ACYP2: variants seen among roughly 807,000 people sequenced by gnomAD.
ACYP2 encodes the protein acylphosphatase-2.
In ACYP2, 12 loss-of-function variants were observed where a neutral mutation model predicts 11.2. The ratio of observed to expected loss-of-function variants is 1.08; its 90% CI spans 0.69 to 1.74. ACYP2 has a LOEUF of 1.74. ACYP2 is among the 40% of genes most tolerant of loss of function. The pLI, the probability that ACYP2 is intolerant of heterozygous loss-of-function variation, is 0.00. For synonymous variants in ACYP2, 43 were observed against 32.2 expected (o/e 1.33, Z -1.13); for missense variants, 134 against 101.9 (o/e 1.31, Z -1.35).
At chr2:54,037,422 T>G (rs1405959358) in intron 2 of ACYP2, among the ~76,000 whole-genome samples, 9 of 151,068 alleles carry the variant, frequency 6.0e-5, no homozygotes. Flanking sequence ...GCTTGTTTTG[T>G]TTTTTTGAGA....
intron 2 of ACYP2, among the ~76,000 whole-genome samples, chr2:53,974,189 CA>C (rs1467596099): frequency 1.3e-5 from 2 of 151,910 alleles, no homozygotes; most frequent in African/African-American, 4.8e-5. Context: ...GTTGGGATTA[CA>C]GGCTTGAGCC....
In ACYP2 at chr2:54,141,893, A is replaced by G. The variant is rs914875655; in HGVS notation, c.404+3145A>G. 16 of 641,716 alleles carry G rather than the reference A, an allele frequency of 2.5e-5. No individual in the cohort carries two copies. The African/African-American group carries it at 2.7e-4, about 11-fold the overall frequency. 39.8% of individuals were successfully genotyped at this position (641,716 alleles called of 1,614,324 possible). On this transcript the variant is annotated intron_variant, in intron 6 of 6. Transcript: ENST00000607452. The stretch of plus-strand genomic sequence containing the variant: ...TGCTCTCTCTCCTAGGCTGGAGTGC[A>G]GTGGTCTGATCTAGACTCACTGCAG...
Position 54,173,232 on chromosome 2 carries a change from G to A in ACYP2, c.404+34484G>A, listed in dbSNP as rs181433761. Among the ~76,000 whole-genome samples the A allele has an allele frequency of 8.3e-3, 1,263 of 152,174 alleles. 4 individuals are homozygous for A. Among genetic ancestry groups the A allele is most frequent in the Non-Finnish European group, 0.012 (808 of 67,998 alleles). ...GTTGTTTCCTGACTTCTTAATGATC[G>A]CCATTCTAACTGGTGTGAGATGGTA... On this transcript the variant is annotated intron_variant, in intron 6 of 6. Transcript: ENST00000607452.
chr2:54,063,730 T>C (rs73935034), intron 4 of ACYP2, among the ~76,000 whole-genome samples: 12 of 152,342 alleles, frequency 7.9e-5, no homozygotes, highest in African/African-American at 2.9e-4. Context: ...GCTAGTTGGC[T>C]TCCTTTAACT....
intron 6 of ACYP2, among the ~76,000 whole-genome samples, chr2:54,155,556 G>A (rs746665125): frequency 1.3e-5 from 2 of 152,142 alleles, no homozygotes; most frequent in Non-Finnish European, 2.9e-5. Context: ...ATTGTGAACT[G>A]CGCATGCGAG....
At chr2:54,119,588 A>G (rs529547056) in intron 4 of ACYP2, among the ~76,000 whole-genome samples, 2 of 152,370 alleles carry the variant, frequency 1.3e-5, no homozygotes, top group African/African-American at 2.4e-5. Context: ...ATGAAAGTGA[A>G]CATGGAAAAA....
intron 6 of ACYP2, among the ~76,000 whole-genome samples, chr2:54,190,979 C>T (rs1318489324): frequency 2.0e-5 from 3 of 152,110 alleles, no homozygotes; most frequent in African/African-American, 7.2e-5. Flanking sequence ...CTTTCTCTTC[C>T]ATCTCTCAGC....
intron 2 of ACYP2, chr2:54,050,919 T>C (rs1470112245): frequency 4.9e-6 from 2 of 404,094 alleles, no homozygotes; most frequent in Non-Finnish European, 8.7e-6. Context: ...AGACTACAGG[T>C]GTGCACCCAA....
intron 2 of ACYP2, among the ~76,000 whole-genome samples, chr2:54,013,948 A>T (rs536099471): frequency 6.6e-6 from 1 of 152,102 alleles, no homozygotes; most frequent in Non-Finnish European, 1.5e-5. Context: ...ACTTGAGGTC[A>T]GGAGTTCGAG....
chr2:54,010,951 G>A (rs563714514), intron 2 of ACYP2, among the ~76,000 whole-genome samples: 78 of 151,798 alleles, frequency 5.1e-4, no homozygotes, highest in Middle Eastern at 3.4e-3. Context: ...TTACAGACCT[G>A]AACTACCACA....
chr2:54,238,310 C>T (rs969467566), intron 6 of ACYP2, among the ~76,000 whole-genome samples: 6 of 152,126 alleles, frequency 3.9e-5, no homozygotes, highest in Non-Finnish European at 8.8e-5. Context: ...GAGGAGAGAG[C>T]TTTTTCCCAC....
intron 6 of ACYP2, among the ~76,000 whole-genome samples, chr2:54,208,854 A>G (rs1005086783): frequency 2.0e-5 from 3 of 152,032 alleles, no homozygotes; most frequent in African/African-American, 7.2e-5. Context: ...CTCATACCCA[A>G]TTGTGTGATT....
chr2:54,266,856 G>A (rs528308965), intron 6 of ACYP2, among the ~76,000 whole-genome samples: 9 of 151,762 alleles, frequency 5.9e-5, no homozygotes, highest in Non-Finnish European at 1.2e-4. Flanking sequence ...TGATCCGCCC[G>A]CCTCAGCCTC....
chr2:54,222,223 G>A (rs186497587), intron 6 of ACYP2, among the ~76,000 whole-genome samples: 1 of 152,116 alleles, frequency 6.6e-6, no homozygotes, highest in Non-Finnish European at 1.5e-5. Flanking sequence ...TATCATCACT[G>A]TGTTATTTGT....
intron 4 of ACYP2, among the ~76,000 whole-genome samples, chr2:54,130,690 T>C (rs1276979775): frequency 6.6e-6 from 1 of 152,218 alleles, no homozygotes; most frequent in Non-Finnish European, 1.5e-5. Context: ...TATTTTTCAG[T>C]AAATCTTCAG....
At chr2:54,249,585 C>G (rs1162173490) in intron 6 of ACYP2, among the ~76,000 whole-genome samples, 1 of 152,000 alleles carries the variant, frequency 6.6e-6, no homozygotes, top group East Asian at 1.9e-4. Context: ...TTGTGGAAAA[C>G]TTATATTTAA....
In ACYP2 at chr2:54,031,989, TA is replaced by T. The variant is rs1286182539; in HGVS notation, c.63-18966del. 2.6e-5 allele frequency among the ~76,000 whole-genome samples: 4 copies of T among 152,348 alleles called. No homozygotes were observed. The East Asian group carries it at 7.7e-4, about 29-fold the overall frequency. ...GATGGGGTTGTTTGATTTTTTCTTGTAAATTTCTTTAAGTTCTTTGTAGATT... is the reference window on the plus strand; with the variant it reads ...GATGGGGTTGTTTGATTTTTTCTTGTAATTTCTTTAAGTTCTTTGTAGATT... On this transcript the variant is annotated intron_variant, in intron 2 of 6. Transcript: ENST00000607452.
intron 2 of ACYP2, among the ~76,000 whole-genome samples, chr2:54,042,498 A>G (rs1675287613): frequency 6.6e-6 from 1 of 152,180 alleles, no homozygotes; most frequent in Admixed American, 6.5e-5. Context: ...CTTCCATTCA[A>G]ATTTTAGCTT....
chr2:54,274,620 C>A (rs1688464110), intron 6 of ACYP2, among the ~76,000 whole-genome samples: 1 of 81,038 alleles, frequency 1.2e-5, no homozygotes, highest in Non-Finnish European at 2.2e-5. Flanking sequence ...AGCAAGACTC[C>A]ATCTCAAAAA....
Sources: gnomAD v4.1 joint callset for allele counts (sites outside exome capture counted in the v4.1 genomes callset) on GRCh38, gnomAD v4.1.1 for gene constraint, MANE v1.5 for transcripts, NCBI Gene and HGNC (gene_info 2026-07-23, HGNC 2026-07-21) for gene names.